GRAMD2A: variants seen among roughly 807,000 people sequenced by gnomAD.
GRAMD2A encodes the protein GRAM domain-containing protein 2A.
GRAMD2A carries 37 observed loss-of-function variants against 51.1 expected under a neutral mutation model. The observed-to-expected ratio is 0.72, with a 90% CI of 0.56 to 0.95. The LOEUF (loss-of-function observed/expected upper bound fraction) is 0.95, where lower values mean the gene tolerates loss of function less well. Among genes scored for constraint, GRAMD2A ranks in the 40% least tolerant of loss-of-function variants. GRAMD2A has a pLI of 0.00. For missense variants in GRAMD2A, 414 were observed against 426.9 expected, an observed-to-expected ratio of 0.97 and a Z score of 0.27; for synonymous variants, 136 against 157.1, an observed-to-expected ratio of 0.87 and a Z score of 1.01.
Position 72,168,958 on chromosome 15 carries a change from T to A in GRAMD2A, c.173A>T (p.Lys58Met). ...ACTTACCCCTTCTCGGCCACACTTC[T>A]TTATCTCTTCACCCTTCAAGCCTTC... is the stretch of plus-strand genomic sequence containing the variant. ...WPEGLKGEEI[K>M]KCGREGITLN... The change falls in exon 3 of 12, where the codon AAG becomes ATG. Residue 58 changes from lysine (K) to methionine (M), a missense_variant. By Grantham distance (95) the Lys-to-Met change is moderately conservative (BLOSUM62 -1). Coordinates refer to ENST00000309731, the MANE Select transcript of GRAMD2A (RefSeq NM_001012642.3). 1 of 1,614,148 alleles carries A rather than the reference T, an allele frequency of 6.2e-7. No individual in the cohort carries two copies. Among genetic ancestry groups the A allele is most frequent in the East Asian group, 2.2e-5 (1 of 44,886 alleles).
At chr15:72,168,894 G>A (rs551905515) in intron 3 of GRAMD2A, 45 bp downstream of exon 3, 1 of 1,571,748 alleles carries the variant, frequency 6.4e-7, no homozygotes, top group Non-Finnish European at 8.8e-7. Context: ...GGCAGCCCAG[G>A]ACCCCTTCCT....
chr15:72,190,995 T>A lies in GRAMD2A; in HGVS notation c.41+6736A>T, dbSNP rs567718340. Among the ~76,000 whole-genome samples, 29 of 152,310 alleles carry A rather than the reference T, an allele frequency of 1.9e-4. No individual in the cohort carries two copies. The Middle Eastern group carries it at 0.01, about 54-fold the overall frequency. ...GAACCAACTTAAAGATGGGACCATT[T>A]GAGCATCAATAAGAATGGATTAAAA... On this transcript the variant is annotated intron_variant, in intron 1 of 11. Transcript: ENST00000309731.
At chr15:72,189,713 G>T (rs1298430280) in intron 1 of GRAMD2A, among the ~76,000 whole-genome samples, 1 of 152,184 alleles carries the variant, frequency 6.6e-6, no homozygotes, top group Non-Finnish European at 1.5e-5. Flanking sequence ...CTGTGTACTA[G>T]GCCATTACAC....
At chr15:72,195,753 C>T (rs1183392790) in intron 1 of GRAMD2A, among the ~76,000 whole-genome samples, 1 of 152,086 alleles carries the variant, frequency 6.6e-6, no homozygotes, top group Admixed American at 6.6e-5. Context: ...AACCCCGTCT[C>T]TACTAAAAAA....
Position 72,162,474 on chromosome 15 carries a change from G to A in GRAMD2A, c.957-97C>T, listed in dbSNP as rs1490710422. On this transcript the variant is annotated intron_variant, in intron 10 of 11. Transcript: ENST00000309731. ...TAGTGGGGACCAAGCTACCCCTGCA[G>A]TTGGAAGAATTAAAGAGCCCTTTGT... 4 of 832,664 alleles carry A rather than the reference G, an allele frequency of 4.8e-6. No individual in the cohort carries two copies. The African/African-American group carries it at 5.1e-5, about 11-fold the overall frequency. 51.6% of individuals were successfully genotyped at this position (832,664 alleles called of 1,614,324 possible).
chr15:72,176,352 T>C (rs1244349501), intron 1 of GRAMD2A, among the ~76,000 whole-genome samples: 1 of 152,176 alleles, frequency 6.6e-6, no homozygotes, highest in Non-Finnish European at 1.5e-5. Flanking sequence ...TCCCCACAGC[T>C]GGGGTGGGGT....
At chr15:72,194,342 A>G (rs1177361768) in intron 1 of GRAMD2A, among the ~76,000 whole-genome samples, 1 of 152,250 alleles carries the variant, frequency 6.6e-6, no homozygotes, top group Non-Finnish European at 1.5e-5. Context: ...CTGAAAATAA[A>G]TGAAACATCT....
chr15:72,177,113 C>T (rs1365915392), intron 1 of GRAMD2A, among the ~76,000 whole-genome samples: 5 of 151,362 alleles, frequency 3.3e-5, no homozygotes, highest in Non-Finnish European at 7.4e-5. Flanking sequence ...TCTCCCACCT[C>T]GGCTTTCTAA....
chr15:72,181,683 C>T (rs931238806), intron 1 of GRAMD2A, among the ~76,000 whole-genome samples: 2 of 152,064 alleles, frequency 1.3e-5, no homozygotes, highest in Non-Finnish European at 2.9e-5. Flanking sequence ...CTGGCTTAAG[C>T]GAGTAGGATA....
intron 1 of GRAMD2A, 55 bp downstream of exon 1, chr15:72,197,676 C>T: frequency 8.0e-7 from 1 of 1,254,300 alleles, no homozygotes; most frequent in Non-Finnish European, 1.0e-6. Flanking sequence ...GGCAGCAGCC[C>T]CTCGCGGCGG....
intron 1 of GRAMD2A, among the ~76,000 whole-genome samples, chr15:72,182,226 G>A (rs1040391400): frequency 2.0e-5 from 3 of 151,926 alleles, no homozygotes; most frequent in Admixed American, 6.6e-5. Context: ...TCAGCTGGGC[G>A]TGGTGGCGCA....
chr15:72,169,398 G>A (rs562214703), intron 2 of GRAMD2A: 2 of 487,484 alleles, frequency 4.1e-6, no homozygotes, highest in Admixed American at 4.8e-5. Context: ...TGTGGGTGAG[G>A]TGAAGGTGTC....
chr15:72,169,269 G>A (rs999447261), intron 2 of GRAMD2A: 36 of 534,276 alleles, frequency 6.7e-5, no homozygotes, highest in African/African-American at 4.8e-4. Context: ...CTGGAGGTGC[G>A]CCTGGTCTCC....
intron 1 of GRAMD2A, among the ~76,000 whole-genome samples, chr15:72,177,186 A>T (rs1001109853): frequency 6.6e-6 from 1 of 152,084 alleles, no homozygotes; most frequent in Non-Finnish European, 1.5e-5. Context: ...AAAAAAAAAA[A>T]ATGATGCCTG....
chr15:72,168,554 T>G lies in GRAMD2A; in HGVS notation c.205A>C (p.Lys69Gln). 6.2e-7 allele frequency: 1 copy of G among 1,613,588 alleles called. No homozygotes were observed. Among genetic ancestry groups the G allele is most frequent in the Non-Finnish European group, 8.5e-7 (1 of 1,179,650 alleles). ...AGCTTGTGGTATTGCTGGTTGTATT[T>G]ATTCAGTGTTATCTGCAAACACACA... The part of the protein sequence containing the change: ...KCGREGITLN[K>Q]YNQQYHKLFK... The change falls in exon 4 of 12, where the codon AAA becomes CAA. Residue 69 changes from lysine (K) to glutamine (Q), a missense_variant. Lys to Gln is a moderately conservative substitution (Grantham distance 53, BLOSUM62 1). Transcript: ENST00000309731.
intron 2 of GRAMD2A, 104 bp from the exon 3 acceptor site, chr15:72,169,100 G>C: frequency 1.0e-6 from 1 of 980,588 alleles, no homozygotes; most frequent in Non-Finnish European, 1.6e-6. Flanking sequence ...TTGAGGCAGA[G>C]ATCAGAGACT....
chr15:72,173,334 T>C (rs1453383072), intron 1 of GRAMD2A, among the ~76,000 whole-genome samples: 1 of 152,170 alleles, frequency 6.6e-6, no homozygotes, highest in Non-Finnish European at 1.5e-5. Flanking sequence ...AATGTGACTG[T>C]CTCAGGGAGA....
In GRAMD2A at chr15:72,170,490, T is replaced by C. The variant is rs7182776; in HGVS notation, c.42-551A>G. 0.74 allele frequency: 330,956 copies of C among 445,310 alleles called. 124,305 individuals are homozygous for C. The highest frequency in any genetic ancestry group is 0.79 in the Non-Finnish European group (173,757 of 221,214). 27.6% of individuals were successfully genotyped at this position (445,310 alleles called of 1,614,324 possible). On this transcript the variant is annotated intron_variant, in intron 1 of 11. Transcript: ENST00000309731. This position sits in a 1 kb window ranked among gnomAD's most constrained non-coding sequence, Gnocchi z 4.5. ...GTGGCCAGGAGGGGAGGAGCCGTCT[T>C]ATACCAGGAAGTGGCCTCAGCCACC...
In GRAMD2A at chr15:72,166,582, C is replaced by T; in HGVS notation, c.543+50G>A. 1 of 1,377,108 alleles carries T rather than the reference C, an allele frequency of 7.3e-7. No homozygotes were observed. The allele number at this position is 1,377,108 out of a possible 1,614,324, so 85.3% of individuals were successfully genotyped here. A position where few individuals can be genotyped will look rare whatever the true frequency, so the allele number is the denominator to read the frequency against. On this transcript the variant is annotated intron_variant, in intron 7 of 11. Transcript: ENST00000309731. The surrounding 1 kb of genome is among the most constrained non-coding windows in gnomAD (Gnocchi z 4.1). The stretch of plus-strand genomic sequence containing the variant: ...CCCCAACACCCTTGTGCAAGACCTG[C>T]ATCCAGGCCTGAGCGACTTCCCTGG...
Sources: allele counts gnomAD v4.1 joint callset (sites outside exome capture counted in the v4.1 genomes callset), GRCh38; gene constraint gnomAD v4.1.1; non-coding constraint Gnocchi (gnomAD v3.1); transcripts MANE v1.5; gene names NCBI Gene and HGNC (gene_info 2026-07-23, HGNC 2026-07-21).